LRRC4C: variants seen among roughly 807,000 people sequenced by gnomAD.
LRRC4C encodes leucine-rich repeat-containing protein 4C.
Under a neutral mutation model 33.6 loss-of-function variants are expected in LRRC4C, and 5 were observed. The observed-to-expected ratio is 0.15, with a 90% CI of 0.08 to 0.31. The LOEUF (loss-of-function observed/expected upper bound fraction) is 0.31. Among genes scored for constraint, LRRC4C ranks in the 10% least tolerant of loss-of-function variants. The pLI is 1.00. For missense variants in LRRC4C, 560 were observed against 796.7 expected, an observed-to-expected ratio of 0.70 and a Z score of 3.58; for synonymous variants, 329 against 302.0, an observed-to-expected ratio of 1.09 and a Z score of -0.93.
At position 40,313,399 on chromosome 11, in the gene LRRC4C, T is replaced by G. The variant is rs921458195; in HGVS notation, c.-176+6229A>C. On this transcript the variant is annotated intron_variant, in intron 4 of 6. Coordinates refer to ENST00000528697, the MANE Select transcript of LRRC4C (RefSeq NM_001258419.2). ...TCACATATCTATAGCCAACTGACTC[T>G]TGACAAAGGTGCCAATGTCATACAT... Among the ~76,000 whole-genome samples the G allele has an allele frequency of 1.8e-4, 28 of 151,930 alleles. 1 individual carries two copies. The highest frequency in any genetic ancestry group is 6.8e-4 in the African/African-American group (28 of 41,262).
At chr11:40,748,036 A>G (rs1388434781) in intron 2 of LRRC4C, among the ~76,000 whole-genome samples, 1 of 152,166 alleles carries the variant, frequency 6.6e-6, no homozygotes, top group Non-Finnish European at 1.5e-5. Flanking sequence ...AGAGCATTAG[A>G]CACTCATTAC....
chr11:40,122,623 C>T (rs1485625639), intron 6 of LRRC4C, among the ~76,000 whole-genome samples: 1 of 152,036 alleles, frequency 6.6e-6, no homozygotes, highest in East Asian at 1.9e-4. Context: ...CTTTTCCTTA[C>T]CATCATAATC....
chr11:41,327,064 G>T (rs1156909041), intron 1 of LRRC4C, among the ~76,000 whole-genome samples: 1 of 152,144 alleles, frequency 6.6e-6, no homozygotes, highest in Non-Finnish European at 1.5e-5. Flanking sequence ...CCAAGTGGAG[G>T]CTGAGATACA....
chr11:41,109,393 A>T (rs1476175714), intron 1 of LRRC4C, among the ~76,000 whole-genome samples: 1 of 152,098 alleles, frequency 6.6e-6, no homozygotes, highest in Admixed American at 6.6e-5. Flanking sequence ...AGAAATTGTC[A>T]TGATGGAGAT....
intron 2 of LRRC4C, among the ~76,000 whole-genome samples, chr11:40,678,865 A>AG (rs555067276): frequency 5.3e-5 from 8 of 152,120 alleles, no homozygotes; most frequent in African/African-American, 1.9e-4. Flanking sequence ...GGTACTGGGT[A>AG]GGGGGGTGCT....
rs572161516 is a variant in LRRC4C at position 40,760,573 on chromosome 11, C to A, written c.-406-112295G>T. 6.6e-5 allele frequency among the ~76,000 whole-genome samples: 10 copies of A among 151,630 alleles called. No homozygotes were observed. In the South Asian group the frequency reaches 1.2e-3, roughly 19 times the overall value. ...AAGGCTAAGTTAGTTACTTTTGGAT[C>A]ATTTATTATTTAGGATTGTCCATGG... is the stretch of plus-strand genomic sequence containing the variant. On this transcript the variant is annotated intron_variant, in intron 2 of 6. Transcript: ENST00000528697.
intron 2 of LRRC4C, among the ~76,000 whole-genome samples, chr11:40,838,956 A>G (rs1406225562): frequency 6.6e-6 from 1 of 152,184 alleles, no homozygotes; most frequent in Non-Finnish European, 1.5e-5. Context: ...TTTAAGAATG[A>G]TAATGAATTG....
intron 3 of LRRC4C, among the ~76,000 whole-genome samples, chr11:40,429,420 T>C (rs569071769): frequency 6.6e-6 from 1 of 152,278 alleles, no homozygotes; most frequent in South Asian, 2.1e-4. Context: ...TTTGCATCCA[T>C]CTTAAGAGGT....
At chr11:41,123,938 C>T (rs2135787017) in intron 1 of LRRC4C, among the ~76,000 whole-genome samples, 1 of 152,306 alleles carries the variant, frequency 6.6e-6, no homozygotes, top group East Asian at 1.9e-4. Context: ...CGCCCCATAA[C>T]ATTGTTTCAG....
At chr11:40,378,511 T>G (rs1261624851) in intron 3 of LRRC4C, among the ~76,000 whole-genome samples, 1 of 151,822 alleles carries the variant, frequency 6.6e-6, no homozygotes, top group Non-Finnish European at 1.5e-5. Flanking sequence ...AGATGGTAAG[T>G]GTATTTCTGT....
chr11:40,733,987 A>C (rs1295885034), intron 2 of LRRC4C, among the ~76,000 whole-genome samples: 2 of 152,190 alleles, frequency 1.3e-5, no homozygotes, highest in Non-Finnish European at 2.9e-5. Flanking sequence ...GGTAGTAAAA[A>C]GATGCCCATG....
At chr11:40,855,664 G>T (rs1027886346) in intron 2 of LRRC4C, among the ~76,000 whole-genome samples, 13 of 152,080 alleles carry the variant, frequency 8.5e-5, no homozygotes, top group Admixed American at 8.5e-4. Context: ...ATGACGTCAG[G>T]CTGTATGTTT....
At chr11:41,399,215 C>T (rs1045292571) in intron 1 of LRRC4C, among the ~76,000 whole-genome samples, 6 of 152,014 alleles carry the variant, frequency 3.9e-5, no homozygotes, top group African/African-American at 1.2e-4. Flanking sequence ...TTTAATGACA[C>T]TTGAAAAAGT....
At chr11:40,980,659 G>C (rs1455028675) in intron 1 of LRRC4C, among the ~76,000 whole-genome samples, 2 of 152,148 alleles carry the variant, frequency 1.3e-5, no homozygotes, top group African/African-American at 4.8e-5. Context: ...GTTATGGTTA[G>C]TTCCCCAACT....
At chr11:40,897,780 C>A (rs1312093286) in intron 2 of LRRC4C, among the ~76,000 whole-genome samples, 1 of 152,154 alleles carries the variant, frequency 6.6e-6, no homozygotes, top group Non-Finnish European at 1.5e-5. Flanking sequence ...TTTTAACTGA[C>A]TGGCCAGATT....
chr11:40,525,399 T>C (rs1000353638), intron 3 of LRRC4C, among the ~76,000 whole-genome samples: 7 of 151,970 alleles, frequency 4.6e-5, no homozygotes, highest in Non-Finnish European at 1.0e-4. Flanking sequence ...TGAGCCAAGA[T>C]TGCACCACTG....
At chr11:41,281,851 A>G (rs959860154) in intron 1 of LRRC4C, among the ~76,000 whole-genome samples, 3 of 152,230 alleles carry the variant, frequency 2.0e-5, no homozygotes, top group African/African-American at 7.2e-5. Context: ...TGCTCAGGCT[A>G]TAAATACTAC....
chr11:41,118,385 T>C lies in LRRC4C; in HGVS notation c.-495-184662A>G, dbSNP rs1038219188. ...CTAAGCATTAAAAAGCCCCTCAGCCTGAAGTTGAAAGCAGGAAGGTGGGAG... is the reference window on the plus strand; with the variant it reads ...CTAAGCATTAAAAAGCCCCTCAGCCCGAAGTTGAAAGCAGGAAGGTGGGAG... On this transcript the variant is annotated intron_variant, in intron 1 of 6. Transcript: ENST00000528697. Among the ~76,000 whole-genome samples the C allele has an allele frequency of 3.9e-5, 6 of 152,276 alleles. No homozygotes were observed. The South Asian group carries it at 1.0e-3, about 26-fold the overall frequency.
chr11:41,204,121 G>A (rs964062872), intron 1 of LRRC4C, among the ~76,000 whole-genome samples: 1 of 152,112 alleles, frequency 6.6e-6, no homozygotes, highest in South Asian at 2.1e-4. Context: ...AGCAATTTGA[G>A]TAAGACAAGA....
Sources: allele counts gnomAD v4.1 joint callset (sites outside exome capture counted in the v4.1 genomes callset), GRCh38; gene constraint gnomAD v4.1.1; transcripts MANE v1.5; gene names NCBI Gene and HGNC (gene_info 2026-07-23, HGNC 2026-07-21).